The following ZNF804B variants were observed in gnomAD, a reference collection of about 807,000 sequenced individuals.
ZNF804B encodes zinc finger protein 804B.
A neutral mutation model predicts 101.4 loss-of-function variants in ZNF804B; 80 were observed. The observed-to-expected ratio is 0.79, with a 90% confidence interval of 0.66 to 0.95. The LOEUF (loss-of-function observed/expected upper bound fraction) is 0.95, where lower values mean the gene tolerates loss of function less well. Ranked by LOEUF, ZNF804B falls within the 40% of genes least tolerant of loss-of-function variation. The pLI is 0.00. For missense variants in ZNF804B, 1,673 were observed against 1,561.9 expected (o/e 1.07, Z -1.20); for synonymous variants, 622 against 558.8 (o/e 1.11, Z -1.59).
chr7:88,803,101 G>A (rs193186628), intron 1 of ZNF804B, among the ~76,000 whole-genome samples: 22 of 152,054 alleles, frequency 1.4e-4, no homozygotes, highest in East Asian at 3.9e-4. Flanking sequence ...AATTTCGGAC[G>A]GATATTTGTT....
intron 2 of ZNF804B, among the ~76,000 whole-genome samples, chr7:89,258,927 G>A (rs1789673377): frequency 6.6e-6 from 1 of 151,972 alleles, no homozygotes; most frequent in African/African-American, 2.4e-5. Flanking sequence ...AGGCAGGAGA[G>A]GCAAACATAC....
At chr7:88,894,713 A>T (rs1792262102) in intron 1 of ZNF804B, among the ~76,000 whole-genome samples, 1 of 152,190 alleles carries the variant, frequency 6.6e-6, no homozygotes, top group Non-Finnish European at 1.5e-5. Context: ...AAAGACATGA[A>T]GGAAACTTAA....
intron 1 of ZNF804B, among the ~76,000 whole-genome samples, chr7:89,025,631 T>C (rs1788738881): frequency 1.3e-5 from 2 of 152,142 alleles, no homozygotes; most frequent in South Asian, 4.1e-4. Context: ...ATTGGCATGT[T>C]GTCAATACAA....
chr7:88,958,526 G>T (rs1465474966), intron 1 of ZNF804B, among the ~76,000 whole-genome samples: 1 of 151,446 alleles, frequency 6.6e-6, no homozygotes, highest in Non-Finnish European at 1.5e-5. Context: ...TATGCCTGTT[G>T]TCTTGGCATT....
chr7:88,991,092 A>G (rs1193126336), intron 1 of ZNF804B, among the ~76,000 whole-genome samples: 1 of 152,154 alleles, frequency 6.6e-6, no homozygotes, highest in Non-Finnish European at 1.5e-5. Context: ...CTGCTTAAAA[A>G]CACTGGGGTT....
chr7:89,127,400 A>C (rs1790489233), intron 1 of ZNF804B, among the ~76,000 whole-genome samples: 1 of 151,822 alleles, frequency 6.6e-6, no homozygotes, highest in Non-Finnish European at 1.5e-5. Context: ...TGTCCAAGGC[A>C]GAGTTATCTT....
chr7:89,046,461 A>G (rs908229062), intron 1 of ZNF804B, among the ~76,000 whole-genome samples: 2 of 152,138 alleles, frequency 1.3e-5, no homozygotes, highest in Non-Finnish European at 2.9e-5. Flanking sequence ...TATAAACAAA[A>G]AAGTTTGTAA....
At position 89,171,395 on chromosome 7, in the gene ZNF804B, C is replaced by CTCT. The variant is rs778183139; in HGVS notation, c.109-46738_109-46736dup. Among the ~76,000 whole-genome samples the CTCT allele has an allele frequency of 1.1e-3, 97 of 92,000 alleles. 2 individuals are homozygous for CTCT. The highest frequency in any genetic ancestry group is 6.8e-3 in the Middle Eastern group (1 of 146). 60.4% of individuals were successfully genotyped at this position (92,000 alleles called of 152,430 possible). A position where few individuals can be genotyped will look rare whatever the true frequency, so the allele number is the denominator to read the frequency against. On this transcript the variant is annotated intron_variant, in intron 1 of 3. Coordinates refer to ENST00000333190, the MANE Select transcript of ZNF804B (RefSeq NM_181646.5). ...CTTCTTCCTCTTCTTCCTCTTCTTC[C>CTCT]TCTTCTTCTTCTTCTTCTTCTTCTC...
intron 1 of ZNF804B, among the ~76,000 whole-genome samples, chr7:89,061,985 G>C (rs554509404): frequency 6.6e-6 from 1 of 152,050 alleles, no homozygotes; most frequent in East Asian, 1.9e-4. Context: ...TTCCTAGGGG[G>C]TCAGTTATTC....
chr7:89,083,794 T>G (rs1278369715), intron 1 of ZNF804B, among the ~76,000 whole-genome samples: 1 of 151,908 alleles, frequency 6.6e-6, no homozygotes, highest in Non-Finnish European at 1.5e-5. Context: ...AAAAAGAGTG[T>G]ATTTCTTCTA....
At chr7:88,903,293 A>G (rs1185529901) in intron 1 of ZNF804B, among the ~76,000 whole-genome samples, 1 of 152,026 alleles carries the variant, frequency 6.6e-6, no homozygotes, top group Non-Finnish European at 1.5e-5. Flanking sequence ...ATTCTTTTTA[A>G]TGGCTGTATA....
At chr7:89,049,987 G>C (rs1789169693) in intron 1 of ZNF804B, among the ~76,000 whole-genome samples, 1 of 152,096 alleles carries the variant, frequency 6.6e-6, no homozygotes, top group Non-Finnish European at 1.5e-5. Flanking sequence ...ACTCCAGACT[G>C]GATGGCAGAG....
At chr7:89,311,148 C>T (rs897755930) in intron 2 of ZNF804B, among the ~76,000 whole-genome samples, 10 of 152,256 alleles carry the variant, frequency 6.6e-5, no homozygotes, top group Admixed American at 5.9e-4. Flanking sequence ...CAAAAAAATC[C>T]TTACTGATTC....
chr7:89,198,939 C>T (rs781354429), intron 1 of ZNF804B, among the ~76,000 whole-genome samples: 7 of 151,736 alleles, frequency 4.6e-5, no homozygotes, highest in East Asian at 1.9e-4. Flanking sequence ...AGTAACTTAT[C>T]GGGAATATGG....
chr7:88,815,036 ATGTG>A (rs974621591), intron 1 of ZNF804B, among the ~76,000 whole-genome samples: 1 of 148,740 alleles, frequency 6.7e-6, no homozygotes, highest in Admixed American at 6.7e-5. Context: ...ATATACATAT[ATGTG>A]TGTGTGTGTG....
chr7:88,816,133 C>G (rs1048981482), intron 1 of ZNF804B, among the ~76,000 whole-genome samples: 6 of 151,622 alleles, frequency 4.0e-5, no homozygotes, highest in Admixed American at 6.6e-5. Flanking sequence ...TCCTCATCAC[C>G]CTGCTCAGAC....
intron 2 of ZNF804B, among the ~76,000 whole-genome samples, chr7:89,292,037 C>G (rs1248953323): frequency 1.3e-5 from 2 of 151,796 alleles, no homozygotes; most frequent in East Asian, 3.9e-4. Context: ...GTAAAAAATT[C>G]CTAGTGAAAA....
chr7:88,914,696 A>AT (rs775296126), intron 1 of ZNF804B, among the ~76,000 whole-genome samples: 111 of 152,166 alleles, frequency 7.3e-4, no homozygotes, highest in Non-Finnish European at 1.4e-3. Context: ...ACAATAATTG[A>AT]TAAAAAAAAT....
At chr7:89,265,303 C>CGCGCGTGCGT (rs1554386430) in intron 2 of ZNF804B, among the ~76,000 whole-genome samples, 6 of 135,886 alleles carry the variant, frequency 4.4e-5, no homozygotes, top group African/African-American at 1.3e-4. Flanking sequence ...TGCGCGTGCG[C>CGCGCGTGCGT]GCGCGCACAC....
Sources: gnomAD v4.1 joint callset for allele counts (sites outside exome capture counted in the v4.1 genomes callset) on GRCh38, gnomAD v4.1.1 for gene constraint, MANE v1.5 for transcripts, NCBI Gene and HGNC (gene_info 2026-07-23, HGNC 2026-07-21) for gene names.